The following FLNB variants were observed in gnomAD, a reference collection of about 807,000 sequenced individuals.
FLNB encodes filamin B, also known as filamin-B.
In FLNB, 111 loss-of-function variants were observed where a neutral mutation model predicts 250.6. The ratio of observed to expected loss-of-function variants is 0.44; its 90% CI spans 0.38 to 0.52. The LOEUF (loss-of-function observed/expected upper bound fraction) is 0.52, where lower values mean the gene tolerates loss of function less well. Ranked by LOEUF, FLNB falls within the 20% of genes least tolerant of loss-of-function variation. The probability of loss-of-function intolerance (pLI) is 0.00; values close to 1 mark genes in which losing one functional copy is unlikely to be tolerated. For missense variants in FLNB, 2,869 were observed against 3,447.8 expected, an observed-to-expected ratio of 0.83 and a Z score of 4.20; for synonymous variants, 1,302 against 1,372.1, an observed-to-expected ratio of 0.95 and a Z score of 1.13.
chr3:58,031,432 C>T (rs1044708199), intron 1 of FLNB, among the ~76,000 whole-genome samples: 1 of 149,216 alleles, frequency 6.7e-6, no homozygotes, highest in Non-Finnish European at 1.5e-5. Context: ...TTAGCAGAGA[C>T]GGGGTTTCAC....
chr3:58,016,524 C>T (rs892940387), intron 1 of FLNB, among the ~76,000 whole-genome samples: 2 of 150,470 alleles, frequency 1.3e-5, no homozygotes, highest in African/African-American at 4.9e-5. Context: ...TAAACATACT[C>T]TACTGTCAAT....
chr3:58,041,585 C>G (rs951022136), intron 1 of FLNB, among the ~76,000 whole-genome samples: 6 of 152,166 alleles, frequency 3.9e-5, no homozygotes, highest in Non-Finnish European at 5.9e-5. Flanking sequence ...CTTTTCCTTC[C>G]TAACTTAATT....
At chr3:58,131,597 A>G (rs920757880) in intron 25 of FLNB, among the ~76,000 whole-genome samples, 17 of 152,120 alleles carry the variant, frequency 1.1e-4, no homozygotes, top group African/African-American at 3.4e-4. Flanking sequence ...CGTAATCTGG[A>G]TTTTCCTCGC....
At position 58,142,539 on chromosome 3, in the gene FLNB, C is replaced by A; in HGVS notation, c.5182-111C>A. The A allele has an allele frequency of 6.3e-6, 6 of 949,088 alleles. No individual in the cohort carries two copies. The highest frequency in any genetic ancestry group is 1.0e-5 in the Non-Finnish European group (6 of 600,096). 58.8% of individuals were successfully genotyped at this position (949,088 alleles called of 1,614,324 possible). On this transcript the variant is annotated intron_variant, in intron 30 of 45. Transcript: ENST00000295956. This position sits in a 1 kb window ranked among gnomAD's most constrained non-coding sequence, Gnocchi z 4.3. The stretch of plus-strand genomic sequence containing the variant: ...ATACCACAATGGGCAGCCGCATTCC[C>A]AAATCCCGGCCTCACTGGCTTGTAG...
At chr3:58,063,867 A>C (rs2097181741) in intron 1 of FLNB, among the ~76,000 whole-genome samples, 1 of 152,164 alleles carries the variant, frequency 6.6e-6, no homozygotes, top group African/African-American at 2.4e-5. Flanking sequence ...TAAAGGATAA[A>C]TACCTATCCT....
intron 29 of FLNB, among the ~76,000 whole-genome samples, chr3:58,141,576 A>C (rs1024631759): frequency 1.3e-5 from 2 of 152,242 alleles, no homozygotes; most frequent in African/African-American, 4.8e-5. Context: ...AGACAGCACC[A>C]GTCAAGGTCC....
intron 18 of FLNB, 126 bp from the exon 19 acceptor site, chr3:58,118,746 T>C (rs1399763533): frequency 1.8e-5 from 14 of 787,814 alleles, no homozygotes; most frequent in Middle Eastern, 2.3e-4. Flanking sequence ...TCTAAGATAC[T>C]TTCTACATTG....
chr3:58,014,441 A>ATGG (rs1178902536), intron 1 of FLNB, among the ~76,000 whole-genome samples: 1 of 152,196 alleles, frequency 6.6e-6, no homozygotes, highest in Non-Finnish European at 1.5e-5. Flanking sequence ...TCACTTCCAG[A>ATGG]TGGTGGTTGG....
chr3:58,036,083 G>C (rs982581794), intron 1 of FLNB, among the ~76,000 whole-genome samples: 1 of 152,168 alleles, frequency 6.6e-6, no homozygotes, highest in African/African-American at 2.4e-5. Context: ...GGCTGTAAAT[G>C]CTGCTGATTC....
At chr3:58,147,056 C>G in intron 34 of FLNB, 63 bp downstream of exon 34, 3 of 1,545,322 alleles carry the variant, frequency 1.9e-6, no homozygotes, top group East Asian at 2.2e-5. Context: ...GACTGCCACC[C>G]TCCTTATCAG....
At chr3:58,146,720 C>T in intron 33 of FLNB, 100 bp from the exon 34 acceptor site, 1 of 1,244,138 alleles carries the variant, frequency 8.0e-7, no homozygotes, top group East Asian at 2.3e-5. Context: ...AATCCATTGT[C>T]CCCAGCATCA....
intron 43 of FLNB, among the ~76,000 whole-genome samples, chr3:58,166,280 TG>T (rs2097370367): frequency 1.3e-5 from 2 of 152,206 alleles, no homozygotes; most frequent in Admixed American, 1.3e-4. Flanking sequence ...AACTGATTTT[TG>T]GTTGGTCAAA....
At chr3:58,134,563 T>C in intron 26 of FLNB, 53 bp from the exon 27 acceptor site, 1 of 1,606,178 alleles carries the variant, frequency 6.2e-7, no homozygotes, top group African/African-American at 1.3e-5. Context: ...CAGATGCAGC[T>C]GGGTTGACAT....
chr3:58,009,225 G>A (rs546668670), intron 1 of FLNB, among the ~76,000 whole-genome samples: 1 of 152,318 alleles, frequency 6.6e-6, no homozygotes, highest in Non-Finnish European at 1.5e-5. Context: ...GGGCCCTAGG[G>A]TCAGATGCTC....
At chr3:58,059,611 A>G (rs563224881) in intron 1 of FLNB, among the ~76,000 whole-genome samples, 3 of 152,276 alleles carry the variant, frequency 2.0e-5, no homozygotes, top group Admixed American at 2.0e-4. Context: ...TTGGATATTT[A>G]TCGTGTGTTT....
chr3:58,068,543 G>T (rs887335962), intron 1 of FLNB, among the ~76,000 whole-genome samples: 4 of 152,214 alleles, frequency 2.6e-5, no homozygotes, highest in African/African-American at 9.6e-5. Flanking sequence ...GAACTGAGGA[G>T]AGCTGTCAGC....
intron 1 of FLNB, among the ~76,000 whole-genome samples, chr3:58,022,439 G>A (rs1188363199): frequency 6.6e-6 from 1 of 152,152 alleles, no homozygotes; most frequent in Non-Finnish European, 1.5e-5. Flanking sequence ...TCATTCTCTG[G>A]ACATCTGTGA....
chr3:58,161,782 C>T (rs1306751794), intron 42 of FLNB, among the ~76,000 whole-genome samples: 1 of 151,492 alleles, frequency 6.6e-6, no homozygotes, highest in Non-Finnish European at 1.5e-5. Context: ...GCAGGATGGC[C>T]TTCCTCTTGG....
intron 1 of FLNB, among the ~76,000 whole-genome samples, chr3:58,024,701 C>CTTTTTT (rs1174805764): frequency 2.6e-4 from 22 of 83,758 alleles, no homozygotes; most frequent in African/African-American, 8.9e-4. Context: ...GCCAAGCCTC[C>CTTTTTT]TTTTTTTTTT....
Sources: allele counts gnomAD v4.1 joint callset (sites outside exome capture counted in the v4.1 genomes callset), GRCh38; gene constraint gnomAD v4.1.1; non-coding constraint Gnocchi (gnomAD v3.1); transcripts MANE v1.5; gene names NCBI Gene and HGNC (gene_info 2026-07-23, HGNC 2026-07-21).